Variants in CDC42BPA observed in about 807,000 individuals in gnomAD.
CDC42BPA encodes CDC42 binding protein kinase alpha.
In CDC42BPA, 80 loss-of-function variants were observed where a neutral mutation model predicts 223.5. The ratio of observed to expected loss-of-function variants is 0.36; its 90% CI spans 0.30 to 0.43. CDC42BPA has a LOEUF of 0.43. Ranked by LOEUF, CDC42BPA falls within the 20% of genes least tolerant of loss-of-function variation. The pLI, the probability that CDC42BPA is intolerant of heterozygous loss-of-function variation, is 1.00. For synonymous variants in CDC42BPA, 694 were observed against 718.6 expected, an observed-to-expected ratio of 0.97 and a Z score of 0.55; for missense variants, 1,743 against 2,099.9, an observed-to-expected ratio of 0.83 and a Z score of 3.32.
At chr1:227,105,354 CTCTTTTTT>C (rs1418703265) in intron 14 of CDC42BPA, among the ~76,000 whole-genome samples, 4 of 113,624 alleles carry the variant, frequency 3.5e-5, no homozygotes, top group Admixed American at 1.2e-4. Flanking sequence ...TTTGCCTATT[CTCTTTTTT>C]TTTTTTTTTT....
intron 5 of CDC42BPA, among the ~76,000 whole-genome samples, chr1:227,164,092 G>A (rs556589018): frequency 1.3e-5 from 2 of 152,102 alleles, no homozygotes; most frequent in Admixed American, 6.5e-5. Context: ...ACAGTGAAAG[G>A]GAGCCTATTA....
chr1:227,074,448 TA>T, intron 17 of CDC42BPA, 84 bp from the exon 18 acceptor site: 1 of 967,530 alleles, frequency 1.0e-6, no homozygotes, highest in Non-Finnish European at 1.6e-6. Flanking sequence ...CCTAAAGAAA[TA>T]AGTGGTAGGA....
At chr1:227,230,238 A>G (rs1558819215) in intron 2 of CDC42BPA, among the ~76,000 whole-genome samples, 1 of 152,216 alleles carries the variant, frequency 6.6e-6, no homozygotes, top group Non-Finnish European at 1.5e-5. Flanking sequence ...TTATACCTTC[A>G]AACAGATAAA....
chr1:227,031,706 G>A (rs1257446200), intron 27 of CDC42BPA, among the ~76,000 whole-genome samples, 192 bp from the exon 28 acceptor site: 1 of 152,074 alleles, frequency 6.6e-6, no homozygotes, highest in Non-Finnish European at 1.5e-5. Flanking sequence ...AGCAAAGGTG[G>A]CAGACACCAT....
chr1:227,247,095 G>A (rs905989214), intron 2 of CDC42BPA, among the ~76,000 whole-genome samples: 2 of 152,020 alleles, frequency 1.3e-5, no homozygotes, highest in African/African-American at 2.4e-5. Context: ...CAGCTACTCA[G>A]CAGGCTGACA....
intron 5 of CDC42BPA, among the ~76,000 whole-genome samples, chr1:227,189,883 C>T (rs1374991301): frequency 6.6e-6 from 1 of 152,122 alleles, no homozygotes; most frequent in African/African-American, 2.4e-5. Context: ...ATTTTAAGTT[C>T]ATGAATTATA....
intron 14 of CDC42BPA, among the ~76,000 whole-genome samples, chr1:227,108,409 G>GT (rs79626494): frequency 0.13 from 19,827 of 149,504 alleles, 1,358 homozygotes; most frequent in East Asian, 0.26. Context: ...AGCATTCCAG[G>GT]TTTTTTTTTT....
At chr1:227,131,927 G>T (rs1181691660) in intron 10 of CDC42BPA, among the ~76,000 whole-genome samples, 2 of 152,170 alleles carry the variant, frequency 1.3e-5, no homozygotes, top group Non-Finnish European at 2.9e-5. Flanking sequence ...ACTGCAGGTG[G>T]TACCATCACC....
intron 6 of CDC42BPA, among the ~76,000 whole-genome samples, chr1:227,150,780 A>G (rs1661589193): frequency 1.3e-5 from 2 of 151,758 alleles, no homozygotes; most frequent in South Asian, 4.1e-4. Flanking sequence ...TACCCCATAA[A>G]TGTATTCAAC....
intron 35 of CDC42BPA, among the ~76,000 whole-genome samples, chr1:227,003,504 C>T (rs1192661019): frequency 6.6e-6 from 1 of 152,218 alleles, no homozygotes; most frequent in Non-Finnish European, 1.5e-5. Flanking sequence ...TACAATCGCA[C>T]TGCTTATAAT....
At chr1:227,187,527 ATTACTACAAAAGGTATAAG>A (rs1668984907) in intron 5 of CDC42BPA, among the ~76,000 whole-genome samples, 6 of 151,324 alleles carry the variant, frequency 4.0e-5, no homozygotes. Flanking sequence ...GAACTGTGGG[ATTACTACAAAAGGTATAAG>A]TTACATGTAA....
At position 227,296,387 on chromosome 1, in the gene CDC42BPA, A is replaced by G. The variant is rs114104039; in HGVS notation, c.178+20618T>C. Reference sequence around the variant, plus strand: ...AACTCAAAATGGATTCATAACAAATATAAGAAGTGAAACACAAAACTTTTG... The same window carrying G: ...AACTCAAAATGGATTCATAACAAATGTAAGAAGTGAAACACAAAACTTTTG... On this transcript the variant is annotated intron_variant, in intron 1 of 36. Transcript: ENST00000366766. 1.3e-3 allele frequency among the ~76,000 whole-genome samples: 200 copies of G among 152,290 alleles called. 3 individuals are homozygous for G. The highest frequency in any genetic ancestry group is 9.3e-3 in the South Asian group (45 of 4,824).
At chr1:227,135,890 A>T (rs1189191561) in intron 10 of CDC42BPA, among the ~76,000 whole-genome samples, 1 of 141,422 alleles carries the variant, frequency 7.1e-6, no homozygotes, top group East Asian at 2.0e-4. Context: ...AAAAAAAAAA[A>T]AAAAAAAAAA....
intron 11 of CDC42BPA, among the ~76,000 whole-genome samples, chr1:227,125,601 TTA>T (rs1491392280): frequency 2.7e-4 from 20 of 73,388 alleles, no homozygotes; most frequent in Non-Finnish European, 5.1e-4. Context: ...TGTCTACAAA[TTA>T]AAAAAAAAAA....
chr1:227,253,063 T>C (rs1682303106), intron 2 of CDC42BPA, among the ~76,000 whole-genome samples: 1 of 152,146 alleles, frequency 6.6e-6, no homozygotes, highest in Admixed American at 6.5e-5. Flanking sequence ...AAGCCCTAAA[T>C]AAATGGAAGA....
intron 2 of CDC42BPA, among the ~76,000 whole-genome samples, chr1:227,228,119 G>C (rs1327570944): frequency 6.6e-6 from 1 of 152,054 alleles, no homozygotes; most frequent in Admixed American, 6.5e-5. Context: ...ATGGGGTGGG[G>C]AGGTGGGGGC....
chr1:227,296,218 G>T (rs1340921991), intron 1 of CDC42BPA, among the ~76,000 whole-genome samples: 1 of 152,122 alleles, frequency 6.6e-6, no homozygotes, highest in African/African-American at 2.4e-5. Flanking sequence ...AACATCTAAG[G>T]CCAGTTGATC....
intron 6 of CDC42BPA, among the ~76,000 whole-genome samples, chr1:227,156,228 C>A (rs190559347): frequency 1.3e-5 from 2 of 152,034 alleles, no homozygotes; most frequent in East Asian, 3.9e-4. Context: ...ACGGTCACTG[C>A]AGCCTTGACC....
intron 34 of CDC42BPA, among the ~76,000 whole-genome samples, chr1:227,012,453 A>G (rs1177370552): frequency 1.5e-5 from 2 of 136,870 alleles, no homozygotes; most frequent in Admixed American, 7.3e-5. Flanking sequence ...GAGGAATATG[A>G]CTCCCTTAGC....
Sources: allele counts gnomAD v4.1 joint callset (sites outside exome capture counted in the v4.1 genomes callset), GRCh38; gene constraint gnomAD v4.1.1; transcripts MANE v1.5; gene names NCBI Gene and HGNC (gene_info 2026-07-23, HGNC 2026-07-21).